KLHDC4: variants seen among roughly 807,000 people sequenced by gnomAD.
KLHDC4 encodes the protein kelch domain-containing protein 4.
A neutral mutation model predicts 62.4 loss-of-function variants in KLHDC4; 90 were observed. The ratio of observed to expected loss-of-function variants is 1.44; its 90% confidence interval spans 1.22 to 1.72. The LOEUF is 1.72. Among genes scored for constraint, KLHDC4 ranks in the 40% most tolerant of loss-of-function variants. The probability of loss-of-function intolerance (pLI) is 0.00; values close to 1 mark genes in which losing one functional copy is unlikely to be tolerated. For missense variants in KLHDC4, 1,025 were observed against 699.7 expected (o/e 1.47, Z -5.25); for synonymous variants, 386 against 284.4 (o/e 1.36, Z -3.59).
At chr16:87,737,425 T>C (rs1039359513) in intron 5 of KLHDC4, among the ~76,000 whole-genome samples, 1 of 151,750 alleles carries the variant, frequency 6.6e-6, no homozygotes, top group African/African-American at 2.4e-5. Context: ...CCGACTCTCC[T>C]AAAAATACAA....
intron 7 of KLHDC4, among the ~76,000 whole-genome samples, chr16:87,724,537 G>C (rs2039000655): frequency 6.6e-6 from 1 of 152,166 alleles, no homozygotes; most frequent in Non-Finnish European, 1.5e-5. Context: ...ATTAAAAATA[G>C]CAGAAGACAT....
intron 5 of KLHDC4, among the ~76,000 whole-genome samples, chr16:87,737,106 C>CAAAAAAAAAAAAAAA (rs55787836): frequency 3.1e-5 from 2 of 64,824 alleles, no homozygotes; most frequent in Non-Finnish European, 5.6e-5. Context: ...GCCTGGGCGA[C>CAAAAAAAAAAAAAAA]AAAAAAAAAA....
Position 87,765,695 on chromosome 16 carries a change from C to G in KLHDC4, c.99+97G>C, listed in dbSNP as rs1467344692. 8 of 1,206,896 alleles carry G rather than the reference C, an allele frequency of 6.6e-6. No homozygotes were observed. The South Asian group carries it at 7.6e-5, about 11-fold the overall frequency. The allele number at this position is 1,206,896 out of a possible 1,614,324, so 74.8% of individuals were successfully genotyped here. On this transcript the variant is annotated intron_variant, in intron 1 of 11. Transcript: ENST00000270583. Reference sequence around the variant, plus strand: ...CAGCTCTCCCGCAGGGCCGGCGCGGCTCCCACGGCCGACCCGTAACCCCGG... The same window carrying G: ...CAGCTCTCCCGCAGGGCCGGCGCGGGTCCCACGGCCGACCCGTAACCCCGG...
chr16:87,709,273 A>G lies in KLHDC4; in HGVS notation c.1439T>C (p.Met480Thr), dbSNP rs2035293148. The G allele has an allele frequency of 1.9e-6, 3 of 1,607,962 alleles. No homozygotes were observed. Among genetic ancestry groups the G allele is most frequent in the Non-Finnish European group, 2.5e-6 (3 of 1,176,954 alleles). ...CAAGCTGCCTGGCTCACCTGGGTCC[A>G]TCTCCACCAAGGCCTTCCACGCCTC... ...RMEAWKALVEMDPETQEWLEE... is the reference protein window; with the variant it reads ...RMEAWKALVETDPETQEWLEE... Residue 480 changes from methionine (M) to threonine (T), a missense_variant, in exon 10 of 12, where the codon ATG (methionine) becomes ACG (threonine). Physicochemically the swap from Met to Thr is moderately conservative, Grantham distance 81. Coordinates refer to ENST00000270583, the MANE Select transcript of KLHDC4 (RefSeq NM_017566.4).
intron 7 of KLHDC4, among the ~76,000 whole-genome samples, chr16:87,716,288 T>C (rs544915044): frequency 1.3e-5 from 2 of 152,012 alleles, no homozygotes; most frequent in East Asian, 3.9e-4. Flanking sequence ...TATGGTCTTG[T>C]AGATATTGAC....
intron 1 of KLHDC4, chr16:87,765,460 C>A: frequency 2.0e-6 from 1 of 501,544 alleles, no homozygotes; most frequent in Non-Finnish European, 3.9e-6. Context: ...TCCCTCTTCT[C>A]ACCACCCAGC....
At chr16:87,739,672 C>T (rs959934597) in intron 5 of KLHDC4, 7 of 153,242 alleles carry the variant, frequency 4.6e-5, no homozygotes, top group African/African-American at 1.7e-4. Context: ...AGCACCTCAT[C>T]TGGCCACGGG....
intron 4 of KLHDC4, chr16:87,750,352 G>C (rs1403821760): frequency 6.6e-6 from 1 of 152,280 alleles, no homozygotes; most frequent in Non-Finnish European, 1.5e-5. Flanking sequence ...GGTGAGAGCC[G>C]CCCACCCTGC....
At chr16:87,704,516 GCCTGGGGAGGGC>G (rs1451209069), downstream of KLHDC4, among the ~76,000 whole-genome samples, 3 of 132,084 alleles carry the variant, frequency 2.3e-5, no homozygotes, top group Non-Finnish European at 4.8e-5. Flanking sequence ...GGAAGGAGGC[GCCTGGGGAGGGC>G]CCTGGGGAGG....
intron 5 of KLHDC4, among the ~76,000 whole-genome samples, chr16:87,747,166 C>G (rs1405227085): frequency 6.6e-6 from 1 of 152,208 alleles, no homozygotes; most frequent in Non-Finnish European, 1.5e-5. Context: ...AGCTCAGAGT[C>G]ACCACAGAGT....
intron 6 of KLHDC4, among the ~76,000 whole-genome samples, chr16:87,728,790 C>T (rs900967802): frequency 8.5e-5 from 13 of 152,074 alleles, no homozygotes; most frequent in Middle Eastern, 3.4e-3. Context: ...ACCAGCCTGG[C>T]GAACATAGTG....
intron 3 of KLHDC4, chr16:87,756,098 G>A (rs950816764): frequency 2.6e-5 from 6 of 230,080 alleles, no homozygotes; most frequent in Admixed American, 4.9e-5. Context: ...CTGGAAACCC[G>A]CTGGGAGGAA....
rs562601316 is a variant in KLHDC4 at position 87,701,377 on chromosome 16, A to G, written c.*262T>C. 6.0e-4 allele frequency: 195 copies of G among 322,592 alleles called. 1 individual carries two copies. The highest frequency in any genetic ancestry group is 9.7e-4 in the Non-Finnish European group (157 of 161,336). The allele number at this position is 322,592 out of a possible 1,614,324, so 20.0% of individuals were successfully genotyped here. On this transcript the variant is annotated 3_prime_UTR_variant, in exon 1 of 1. Coordinates refer to the KLHDC4 transcript ENST00000446344. ...GGAGAGAAGCTGAATGCTCCTCCCA[A>G]GCTTCAGCCCACCCATTAGGAACAA... is the stretch of plus-strand genomic sequence containing the variant.
exon 1 of KLHDC4, chr16:87,698,810 G>A (rs1172912328): frequency 6.6e-6 from 1 of 152,298 alleles, no homozygotes; most frequent in East Asian, 1.9e-4. Context: ...AGGCCCAGGG[G>A]ACCTGCTTCC....
intron 5 of KLHDC4, among the ~76,000 whole-genome samples, chr16:87,735,543 C>A (rs1172778511): frequency 6.6e-6 from 1 of 152,240 alleles, no homozygotes; most frequent in Non-Finnish European, 1.5e-5. Flanking sequence ...CTGGCTGACA[C>A]AACGGACTCA....
At chr16:87,713,570 G>A (rs959751017) in intron 8 of KLHDC4, among the ~76,000 whole-genome samples, 2 of 151,692 alleles carry the variant, frequency 1.3e-5, no homozygotes, top group African/African-American at 4.8e-5. Context: ...CCATCCCCCC[G>A]CCCATGCTCC....
intron 8 of KLHDC4, among the ~76,000 whole-genome samples, 179 bp from the exon 9 acceptor site, chr16:87,711,622 T>TTCCAC (rs1363865115): frequency 1.3e-5 from 2 of 152,048 alleles, no homozygotes; most frequent in African/African-American, 2.4e-5. Context: ...TCCCCTCGAG[T>TTCCAC]TCCACCCTTT....
chr16:87,761,558 G>A (rs1353471903), intron 2 of KLHDC4, among the ~76,000 whole-genome samples: 1 of 152,182 alleles, frequency 6.6e-6, no homozygotes, highest in Admixed American at 6.5e-5. Flanking sequence ...CTTTTCACAT[G>A]AGAATTTGAA....
chr16:87,760,551 G>C (rs1317001629), intron 2 of KLHDC4, among the ~76,000 whole-genome samples: 2 of 135,872 alleles, frequency 1.5e-5, no homozygotes, highest in Admixed American at 1.6e-4. Flanking sequence ...AGCTTGCAGT[G>C]AACCAAGATG....
Sources: allele counts gnomAD v4.1 joint callset (sites outside exome capture counted in the v4.1 genomes callset), GRCh38; gene constraint gnomAD v4.1.1; transcripts MANE v1.5; gene names NCBI Gene and HGNC (gene_info 2026-07-23, HGNC 2026-07-21).